Variants in FRMD4A observed in about 807,000 individuals in gnomAD.
FRMD4A encodes the protein FERM domain-containing protein 4A.
Under a neutral mutation model 129.1 loss-of-function variants are expected in FRMD4A, and 29 were observed. The observed-to-expected ratio is 0.22, with a 90% CI of 0.17 to 0.31. The LOEUF is 0.31. Among genes scored for constraint, FRMD4A ranks in the 10% least tolerant of loss-of-function variants. The probability of loss-of-function intolerance (pLI) is 1.00; values close to 1 mark genes in which losing one functional copy is unlikely to be tolerated. For missense variants in FRMD4A, 1,272 were observed against 1,375.8 expected, an observed-to-expected ratio of 0.92 and a Z score of 1.19; for synonymous variants, 634 against 571.6, an observed-to-expected ratio of 1.11 and a Z score of -1.56.
Position 13,645,289 on chromosome 10 carries a change from C to T in FRMD4A, c.*1749G>A, listed in dbSNP as rs181591291. 1.2e-4 allele frequency: 18 copies of T among 152,156 alleles called. No homozygotes were observed. Among genetic ancestry groups the T allele is most frequent in the Non-Finnish European group, 1.5e-4 (10 of 68,008 alleles). The allele number at this position is 152,156 out of a possible 1,614,324, so 9.4% of individuals were successfully genotyped here. A position where few individuals can be genotyped will look rare whatever the true frequency, so the allele number is the denominator to read the frequency against. On this transcript the variant is annotated 3_prime_UTR_variant, in exon 25 of 25. Coordinates refer to ENST00000357447, the MANE Select transcript of FRMD4A (RefSeq NM_018027.5). ...CTGCTTTCCCACAAAACTACCCCCACCCTGGCTCCTGTCCCTGGCTGTCAA... is the reference window on the plus strand; with the variant it reads ...CTGCTTTCCCACAAAACTACCCCCATCCTGGCTCCTGTCCCTGGCTGTCAA...
At chr10:13,968,047 T>C (rs1485671167) in intron 2 of FRMD4A, among the ~76,000 whole-genome samples, 1 of 152,142 alleles carries the variant, frequency 6.6e-6, no homozygotes, top group East Asian at 1.9e-4. Flanking sequence ...TATACATATT[T>C]AAAGTGGCTC....
intron 6 of FRMD4A, among the ~76,000 whole-genome samples, chr10:13,772,502 C>G (rs2092485996): frequency 6.6e-6 from 1 of 152,136 alleles, no homozygotes; most frequent in African/African-American, 2.4e-5. Flanking sequence ...AGAGGGCCAG[C>G]CTTACAAACA....
chr10:14,028,038 A>G (rs1397717780), intron 2 of FRMD4A, among the ~76,000 whole-genome samples: 1 of 152,232 alleles, frequency 6.6e-6, no homozygotes, highest in Non-Finnish European at 1.5e-5. Context: ...CACGGGTGTC[A>G]GTGCTTATCG....
chr10:14,155,145 C>T (rs1212806478), intron 2 of FRMD4A, among the ~76,000 whole-genome samples: 5 of 152,150 alleles, frequency 3.3e-5, no homozygotes, highest in East Asian at 1.9e-4. Flanking sequence ...TTTTAAAAAA[C>T]GTAGTCAGGT....
At chr10:14,287,249 G>GTACAATTTC (rs1280891787) in intron 2 of FRMD4A, among the ~76,000 whole-genome samples, 3 of 152,092 alleles carry the variant, frequency 2.0e-5, no homozygotes, top group African/African-American at 7.2e-5. Context: ...GAAATTCTAT[G>GTACAATTTC]TGTGTACAAT....
intron 2 of FRMD4A, among the ~76,000 whole-genome samples, chr10:14,004,536 T>C (rs887567191): frequency 6.6e-6 from 1 of 152,014 alleles, no homozygotes; most frequent in African/African-American, 2.4e-5. Flanking sequence ...AGCGAGACTC[T>C]GTCTCAAGAA....
intron 2 of FRMD4A, among the ~76,000 whole-genome samples, chr10:14,268,961 G>A (rs572732195): frequency 4.6e-5 from 7 of 152,328 alleles, no homozygotes; most frequent in East Asian, 3.9e-4. Flanking sequence ...AGCGTATGCC[G>A]TTAGGATGAA....
intron 2 of FRMD4A, among the ~76,000 whole-genome samples, chr10:14,166,923 G>A (rs916036315): frequency 6.6e-6 from 1 of 152,106 alleles, no homozygotes; most frequent in African/African-American, 2.4e-5. Context: ...TATGTATGAA[G>A]GCCCTATATT....
intron 16 of FRMD4A, among the ~76,000 whole-genome samples, chr10:13,671,054 G>A (rs1323713785): frequency 1.3e-5 from 2 of 152,180 alleles, no homozygotes; most frequent in East Asian, 1.9e-4. Flanking sequence ...CCAGAAAAGT[G>A]CATAGATAAA....
At chr10:14,297,989 C>G (rs1564448666) in intron 2 of FRMD4A, among the ~76,000 whole-genome samples, 1 of 152,214 alleles carries the variant, frequency 6.6e-6, no homozygotes, top group Admixed American at 6.5e-5. Flanking sequence ...GGGAAATAAA[C>G]TAGATCAGAA....
chr10:14,234,041 GA>G (rs1166243903), intron 2 of FRMD4A, among the ~76,000 whole-genome samples: 1 of 152,216 alleles, frequency 6.6e-6, no homozygotes, highest in African/African-American at 2.4e-5. Flanking sequence ...GCTAATGGCA[GA>G]GAAGACTAAT....
At chr10:13,738,274 G>A (rs985299300) in intron 11 of FRMD4A, among the ~76,000 whole-genome samples, 6 of 152,102 alleles carry the variant, frequency 3.9e-5, no homozygotes, top group Non-Finnish European at 8.8e-5. Flanking sequence ...ATTCCATGCC[G>A]GGATGCTCAC....
intron 23 of FRMD4A, chr10:13,654,100 T>C (rs980351243): frequency 1.9e-6 from 1 of 520,816 alleles, no homozygotes. Flanking sequence ...CTGAGTATAA[T>C]CCAAACCGAA....
At chr10:13,965,282 T>C (rs897675934) in intron 2 of FRMD4A, among the ~76,000 whole-genome samples, 14 of 152,134 alleles carry the variant, frequency 9.2e-5, no homozygotes, top group Admixed American at 5.9e-4. Flanking sequence ...TATCAAGATA[T>C]GGCTGCATCT....
chr10:14,189,053 G>A lies in FRMD4A; in HGVS notation c.45+141005C>T, dbSNP rs565595685. 1.0e-3 allele frequency among the ~76,000 whole-genome samples: 157 copies of A among 152,238 alleles called. 1 individual carries two copies. Among genetic ancestry groups the A allele is most frequent in the African/African-American group, 3.6e-3 (151 of 41,546 alleles). ...TGCTGTTATCTTTTAACCCTGATCT[G>A]TATTTTAACCCTCAAGCACAAGGTC... On this transcript the variant is annotated intron_variant, in intron 2 of 24. Coordinates refer to ENST00000357447, the MANE Select transcript of FRMD4A (RefSeq NM_018027.5).
chr10:14,286,417 CT>C (rs1231078557), intron 2 of FRMD4A, among the ~76,000 whole-genome samples: 3 of 152,162 alleles, frequency 2.0e-5, no homozygotes, highest in Non-Finnish European at 4.4e-5. Context: ...GACCTCTTGC[CT>C]TTCCAAGTTT....
chr10:14,242,223 G>A (rs746536209), intron 2 of FRMD4A, among the ~76,000 whole-genome samples: 4 of 152,194 alleles, frequency 2.6e-5, no homozygotes, highest in African/African-American at 9.7e-5. Flanking sequence ...ATCAGGGATC[G>A]TATGGAGCAT....
At chr10:14,000,418 G>A (rs182905120) in intron 2 of FRMD4A, among the ~76,000 whole-genome samples, 288 of 151,932 alleles carry the variant, frequency 1.9e-3, no homozygotes, top group Middle Eastern at 3.4e-3. Flanking sequence ...AGGCTAAAGC[G>A]GGTGGATCAC....
chr10:14,072,689 GT>G (rs977223516), intron 2 of FRMD4A, among the ~76,000 whole-genome samples: 3 of 152,062 alleles, frequency 2.0e-5, no homozygotes, highest in Non-Finnish European at 2.9e-5. Context: ...AAAGGGGAGG[GT>G]TTTTTTAGAA....
Sources: gnomAD v4.1 joint callset for allele counts (sites outside exome capture counted in the v4.1 genomes callset) on GRCh38, gnomAD v4.1.1 for gene constraint, MANE v1.5 for transcripts, NCBI Gene and HGNC (gene_info 2026-07-23, HGNC 2026-07-21) for gene names.